KCNH8: variants seen among roughly 807,000 people sequenced by gnomAD.
KCNH8 encodes potassium voltage-gated channel subfamily H member 8.
Under a neutral mutation model 103.6 loss-of-function variants are expected in KCNH8, and 70 were observed. That is an observed-to-expected ratio of 0.68 (90% CI 0.56 to 0.82). The LOEUF (loss-of-function observed/expected upper bound fraction) is 0.82, where lower values mean the gene tolerates loss of function less well. Ranked by LOEUF, KCNH8 falls within the 40% of genes least tolerant of loss-of-function variation. The probability of loss-of-function intolerance (pLI) is 0.00; values close to 1 mark genes in which losing one functional copy is unlikely to be tolerated. For synonymous variants in KCNH8, 498 were observed against 489.4 expected (o/e 1.02, Z -0.23); for missense variants, 1,217 against 1,329.9 (o/e 0.92, Z 1.32).
chr3:19,193,627 T>C (rs543543570), intron 1 of KCNH8, among the ~76,000 whole-genome samples: 1 of 151,742 alleles, frequency 6.6e-6, no homozygotes, highest in Non-Finnish European at 1.5e-5. Flanking sequence ...CAGGTAGATA[T>C]ACAGTATCAA....
intron 3 of KCNH8, among the ~76,000 whole-genome samples, chr3:19,323,556 T>A (rs1388291217): frequency 6.6e-6 from 1 of 152,222 alleles, no homozygotes; most frequent in Non-Finnish European, 1.5e-5. Context: ...GCTAGTGTGA[T>A]CTTTTCGGGT....
intron 1 of KCNH8, among the ~76,000 whole-genome samples, chr3:19,178,334 A>G (rs534050554): frequency 7.2e-5 from 11 of 152,092 alleles, no homozygotes; most frequent in South Asian, 2.1e-4. Flanking sequence ...TCAGTCTCTT[A>G]ATCTTTAGGT....
At chr3:19,166,576 A>G (rs957586395) in intron 1 of KCNH8, among the ~76,000 whole-genome samples, 52 of 152,228 alleles carry the variant, frequency 3.4e-4, no homozygotes, top group Non-Finnish European at 1.0e-4. Flanking sequence ...AATATGAAAA[A>G]AAAACTCGCC....
chr3:19,210,619 G>A (rs1052581194), intron 1 of KCNH8, among the ~76,000 whole-genome samples: 32 of 151,992 alleles, frequency 2.1e-4, no homozygotes, highest in Admixed American at 2.0e-3. Flanking sequence ...TTCTGTTGTG[G>A]AGGGTTCTGA....
intron 11 of KCNH8, among the ~76,000 whole-genome samples, chr3:19,468,772 T>G (rs1201250627): frequency 6.6e-6 from 1 of 152,228 alleles, no homozygotes; most frequent in Admixed American, 6.5e-5. Flanking sequence ...GTAATTAAGC[T>G]GTGCTATATC....
chr3:19,425,089 A>C (rs1160061694), intron 7 of KCNH8, among the ~76,000 whole-genome samples: 3 of 152,200 alleles, frequency 2.0e-5, no homozygotes, highest in Non-Finnish European at 4.4e-5. Flanking sequence ...AAAGAAAAGG[A>C]AAACATTTAA....
At chr3:19,321,580 A>C (rs113450400) in intron 3 of KCNH8, among the ~76,000 whole-genome samples, 54 of 151,986 alleles carry the variant, frequency 3.6e-4, no homozygotes, top group African/African-American at 1.2e-3. Flanking sequence ...AAATTTATTG[A>C]GACTTCTTGT....
At chr3:19,482,263 C>G (rs887454129) in intron 11 of KCNH8, among the ~76,000 whole-genome samples, 9 of 152,186 alleles carry the variant, frequency 5.9e-5, no homozygotes, top group Admixed American at 1.3e-4. Context: ...CTACCAGGCC[C>G]CAGGGTGTGG....
At chr3:19,279,459 G>C (rs2064725089) in intron 2 of KCNH8, among the ~76,000 whole-genome samples, 1 of 151,762 alleles carries the variant, frequency 6.6e-6, no homozygotes, top group South Asian at 2.1e-4. Context: ...GTTAGTATTA[G>C]AACCATGGTT....
intron 11 of KCNH8, among the ~76,000 whole-genome samples, chr3:19,474,593 A>G (rs1292922241): frequency 6.6e-6 from 1 of 152,196 alleles, no homozygotes; most frequent in Non-Finnish European, 1.5e-5. Flanking sequence ...AGGAAGATGC[A>G]TTTCTGTCAA....
intron 11 of KCNH8, among the ~76,000 whole-genome samples, chr3:19,468,290 A>C (rs2067784312): frequency 1.3e-5 from 2 of 152,232 alleles, no homozygotes; most frequent in South Asian, 4.1e-4. Context: ...TGAATGAACA[A>C]ATGTCAATAA....
intron 3 of KCNH8, among the ~76,000 whole-genome samples, chr3:19,297,603 G>A (rs945712014): frequency 6.6e-6 from 1 of 152,150 alleles, no homozygotes; most frequent in Non-Finnish European, 1.5e-5. Flanking sequence ...ATGACTTCAG[G>A]TAAGCTCAAA....
At chr3:19,206,283 C>G (rs1467604872) in intron 1 of KCNH8, among the ~76,000 whole-genome samples, 1 of 131,178 alleles carries the variant, frequency 7.6e-6, no homozygotes, top group Non-Finnish European at 1.5e-5. Flanking sequence ...ATATACATCA[C>G]AGTTTCTTTA....
At chr3:19,286,168 A>G (rs2064829537) in intron 3 of KCNH8, among the ~76,000 whole-genome samples, 1 of 152,116 alleles carries the variant, frequency 6.6e-6, no homozygotes, top group Non-Finnish European at 1.5e-5. Context: ...GGAAAACGAG[A>G]TCTTTTGGGA....
chr3:19,498,433 G>C (rs1026254444), intron 11 of KCNH8, among the ~76,000 whole-genome samples: 1 of 152,152 alleles, frequency 6.6e-6, no homozygotes, highest in Non-Finnish European at 1.5e-5. Context: ...TTGTAAGGCA[G>C]GCATGGTGGT....
At chr3:19,302,425 C>T (rs1190529158) in intron 3 of KCNH8, among the ~76,000 whole-genome samples, 4 of 152,064 alleles carry the variant, frequency 2.6e-5, no homozygotes, top group African/African-American at 9.7e-5. Context: ...GCAATAAACC[C>T]ATTCTGTAAT....
At chr3:19,475,083 C>A (rs2067943681) in intron 11 of KCNH8, among the ~76,000 whole-genome samples, 1 of 151,964 alleles carries the variant, frequency 6.6e-6, no homozygotes, top group South Asian at 2.1e-4. Context: ...AACAACTAAA[C>A]AAGCACAGTT....
chr3:19,363,420 C>T (rs2065971393), intron 5 of KCNH8, among the ~76,000 whole-genome samples: 1 of 152,134 alleles, frequency 6.6e-6, no homozygotes, highest in South Asian at 2.1e-4. Context: ...CTGGGACTTC[C>T]AGTAACACAG....
chr3:19,479,699 TGTGTCTC>T (rs1256805806), intron 11 of KCNH8, among the ~76,000 whole-genome samples: 2 of 152,200 alleles, frequency 1.3e-5, no homozygotes, highest in Non-Finnish European at 2.9e-5. Flanking sequence ...GCTGATTTGC[TGTGTCTC>T]TATTATATGA....
Sources: allele counts gnomAD v4.1 joint callset (sites outside exome capture counted in the v4.1 genomes callset), GRCh38; gene constraint gnomAD v4.1.1; transcripts MANE v1.5; gene names NCBI Gene and HGNC (gene_info 2026-07-23, HGNC 2026-07-21).